The following KMT2A variants were observed in gnomAD, a reference collection of about 807,000 sequenced individuals.
KMT2A encodes the protein lysine methyltransferase 2A, also known as histone-lysine N-methyltransferase 2A.
KMT2A carries 16 observed loss-of-function variants against 345.3 expected under a neutral mutation model. The ratio of observed to expected loss-of-function variants is 0.05; its 90% CI spans 0.03 to 0.07. KMT2A has a LOEUF of 0.07. Among genes scored for constraint, KMT2A ranks in the 10% least tolerant of loss-of-function variants. The probability of loss-of-function intolerance (pLI) is 1.00; values close to 1 mark genes in which losing one functional copy is unlikely to be tolerated. For missense variants in KMT2A, 3,272 were observed against 4,841.6 expected (o/e 0.68, Z 9.62); for synonymous variants, 1,599 against 1,778.6 (o/e 0.90, Z 2.54).
intron 26 of KMT2A, 50 bp downstream of exon 26, chr11:118,501,907 T>C: frequency 7.0e-7 from 1 of 1,421,384 alleles, no homozygotes; most frequent in Non-Finnish European, 9.6e-7. Flanking sequence ...GCCCAAAGAC[T>C]AATTTGTAAT....
chr11:118,476,062 C>A lies in KMT2A; in HGVS notation c.3157-743C>A. 6.6e-6 allele frequency among the ~76,000 whole-genome samples: 1 copy of A among 152,164 alleles called. No individual in the cohort carries two copies. The highest frequency in any genetic ancestry group is 1.9e-4 in the East Asian group (1 of 5,142). On this transcript the variant is annotated intron_variant, in intron 3 of 35. Transcript: ENST00000534358. This position sits in a 1 kb window ranked among gnomAD's most constrained non-coding sequence, Gnocchi z 4.1. ...CTGGGATTACGGGCATGCACCACCA[C>A]GCCCAGCTAATTTTGTATTTTTAGT...
chr11:118,490,035 T>G lies in KMT2A; in HGVS notation c.4576-94T>G. On this transcript the variant is annotated intron_variant, in intron 12 of 35. Transcript: ENST00000534358. This position sits in a 1 kb window ranked among gnomAD's most constrained non-coding sequence, Gnocchi z 4.2. ...TAGGAAATCATCTCAGCAGAGAAAT[T>G]AAATCTATAAATGGATGCATTTAAG... 1 of 1,451,778 alleles carries G rather than the reference T, an allele frequency of 6.9e-7. No individual in the cohort carries two copies. 89.9% of individuals were successfully genotyped at this position (1,451,778 alleles called of 1,614,324 possible).
Position 118,504,374 on chromosome 11 carries a change from A to C in KMT2A, c.8482A>C (p.Asn2828His). 1.2e-6 allele frequency: 2 copies of C among 1,614,182 alleles called. No individual in the cohort carries two copies. The change falls in exon 27 of 36, where the codon AAT (asparagine) becomes CAT (histidine). Residue 2828 changes from asparagine to histidine, a missense_variant. This residue lies in a region of KMT2A where 100 missense variants were observed against 101.3 expected (regional missense o/e 0.99). Transcript: ENST00000534358. This position sits in a 1 kb window ranked among gnomAD's most constrained non-coding sequence, Gnocchi z 6.4. ...CGACAAAAATTTACTGGACACCTAT[A>C]ATACTGAGCTCCTGAAATCAGATTC... ...PSDKNLLDTY[N>H]TELLKSDSDN...
chr11:118,456,431 T>C (rs188721968), intron 1 of KMT2A, among the ~76,000 whole-genome samples: 222 of 152,148 alleles, frequency 1.5e-3, no homozygotes, highest in African/African-American at 4.6e-3. Context: ...CTCCGCCTCC[T>C]GGGCTCAAGC....
intron 1 of KMT2A, among the ~76,000 whole-genome samples, chr11:118,453,495 C>T (rs1555029671): frequency 6.6e-6 from 1 of 152,084 alleles, no homozygotes; most frequent in African/African-American, 2.4e-5. Context: ...CTCTGCTTAA[C>T]TCTCCTGAAT....
At chr11:118,507,414 C>T in intron 27 of KMT2A, 115 bp from the exon 28 acceptor site, 1 of 865,356 alleles carries the variant, frequency 1.2e-6, no homozygotes, top group Non-Finnish European at 1.9e-6. Context: ...GTCAGTTTTG[C>T]TGGCTTATAG....
At chr11:118,443,195 AG>A (rs1490519460) in intron 1 of KMT2A, among the ~76,000 whole-genome samples, 4 of 152,216 alleles carry the variant, frequency 2.6e-5, no homozygotes, top group Non-Finnish European at 1.5e-5. Context: ...TGCTGGGAAT[AG>A]GGAGGAAAAA....
chr11:118,450,159 CCAGTT>C (rs1466638797), intron 1 of KMT2A: 1 of 151,580 alleles, frequency 6.6e-6, no homozygotes, highest in African/African-American at 2.4e-5. Context: ...AGTAGATAAA[CCAGTT>C]CAGACTTGGA....
At chr11:118,437,514 A>G (rs1591333416) in intron 1 of KMT2A, among the ~76,000 whole-genome samples, 1 of 135,862 alleles carries the variant, frequency 7.4e-6, no homozygotes, top group Non-Finnish European at 1.6e-5. Flanking sequence ...ACTGCCAGCC[A>G]CTCCCCCTTC....
chr11:118,499,040 C>T (rs1017601265), intron 22 of KMT2A, among the ~76,000 whole-genome samples: 6 of 152,178 alleles, frequency 3.9e-5, no homozygotes, highest in African/African-American at 1.4e-4. Context: ...CAAGTCTTTT[C>T]ATGGCTTATT....
chr11:118,471,621 A>G (rs782732392), intron 2 of KMT2A, 41 bp from the exon 3 acceptor site: 1 of 1,399,218 alleles, frequency 7.1e-7, no homozygotes, highest in Non-Finnish European at 9.7e-7. Context: ...TAAACTACAC[A>G]GCTAAATATA....
chr11:118,456,313 C>G (rs1379325453), intron 1 of KMT2A, among the ~76,000 whole-genome samples: 1 of 151,926 alleles, frequency 6.6e-6, no homozygotes, highest in Non-Finnish European at 1.5e-5. Flanking sequence ...ATAGTGAGAC[C>G]TCATCTCTAC....
chr11:118,458,414 T>C (rs1555031571), intron 1 of KMT2A, among the ~76,000 whole-genome samples: 1 of 152,218 alleles, frequency 6.6e-6, no homozygotes, highest in Non-Finnish European at 1.5e-5. Flanking sequence ...GTAAGAATCA[T>C]ATTGTGTAAT....
At chr11:118,450,469 C>T (rs1949513309) in intron 1 of KMT2A, 1 of 152,078 alleles carries the variant, frequency 6.6e-6, no homozygotes, top group Admixed American at 6.6e-5. Flanking sequence ...CTACCTATTT[C>T]TCTAGTTACA....
rs781991683 is a variant in KMT2A, at chr11:118,472,543, T to A, written c.1384T>A (p.Ser462Thr). The A allele has an allele frequency of 6.2e-7, 1 of 1,612,232 alleles. No homozygotes were observed. Among genetic ancestry groups the A allele is most frequent in the South Asian group, 1.1e-5 (1 of 90,952 alleles). Residue 462 changes from serine to threonine, a missense_variant, in exon 3 of 36, where the codon TCA (serine) becomes ACA (threonine). Ser to Thr is a moderately conservative substitution (Grantham distance 58). Coordinates refer to ENST00000534358, the MANE Select transcript of KMT2A (RefSeq NM_001197104.2). ...CCCGTCCTGTGGATCTTCTGAAAAA[T>A]CAAGTGCAGCTTCTCAGCACTCCTC... ...SAPSCGSSEK[S>T]SAASQHSSQM...
At chr11:118,464,858 T>C (rs1233830338) in intron 1 of KMT2A, among the ~76,000 whole-genome samples, 2 of 152,240 alleles carry the variant, frequency 1.3e-5, no homozygotes, top group Non-Finnish European at 2.9e-5. Flanking sequence ...GCATTTTGCT[T>C]GTTGACTTTC....
rs1313383907 is a variant in KMT2A, at chr11:118,525,903, C to T, written c.*3731C>T. ...GGTTATGGAGCAGATGGTTTTGTGC[C>T]GAATCATGAATACTAGTCAAGTCAC... On this transcript the variant is annotated 3_prime_UTR_variant, in exon 36 of 36. Coordinates refer to ENST00000534358, the MANE Select transcript of KMT2A (RefSeq NM_001197104.2). The T allele has an allele frequency of 8.9e-6, 2 of 223,706 alleles. No homozygotes were observed. Among genetic ancestry groups the T allele is most frequent in the Non-Finnish European group, 1.8e-5 (2 of 112,554 alleles). The allele number at this position is 223,706 out of a possible 1,614,324, so 13.9% of individuals were successfully genotyped here.
chr11:118,507,188 T>A (rs1319294593), intron 27 of KMT2A, among the ~76,000 whole-genome samples: 3 of 152,172 alleles, frequency 2.0e-5, no homozygotes, highest in Non-Finnish European at 4.4e-5. Flanking sequence ...GCCCCAGCTA[T>A]TCAGGAGGCT....
At chr11:118,517,882 T>C (rs1356606350) in intron 31 of KMT2A, among the ~76,000 whole-genome samples, 1 of 151,680 alleles carries the variant, frequency 6.6e-6, no homozygotes, top group Non-Finnish European at 1.5e-5. Flanking sequence ...ATTCTTTTTG[T>C]TTGTTTGTTT....
Sources: gnomAD v4.1 joint callset for allele counts (sites outside exome capture counted in the v4.1 genomes callset) on GRCh38, gnomAD v4.1.1 for gene constraint, gnomAD v4.1.1 regional missense constraint, Gnocchi (gnomAD v3.1) non-coding constraint, MANE v1.5 for transcripts, NCBI Gene and HGNC (gene_info 2026-07-23, HGNC 2026-07-21) for gene names.